Variants in MAP2 observed in about 807,000 individuals in gnomAD.
MAP2 encodes the protein microtubule associated protein 2.
In MAP2, 14 loss-of-function variants were observed where a neutral mutation model predicts 137.6. The ratio of observed to expected loss-of-function variants is 0.10; its 90% CI spans 0.07 to 0.16. The LOEUF (loss-of-function observed/expected upper bound fraction) is 0.16, where lower values mean the gene tolerates loss of function less well. Among genes scored for constraint, MAP2 ranks in the 10% least tolerant of loss-of-function variants. The probability of loss-of-function intolerance (pLI) is 1.00; values close to 1 mark genes in which losing one functional copy is unlikely to be tolerated. For synonymous variants in MAP2, 786 were observed against 782.3 expected, an observed-to-expected ratio of 1.00 and a Z score of -0.08; for missense variants, 2,088 against 2,191.5, an observed-to-expected ratio of 0.95 and a Z score of 0.94.
intron 11 of MAP2, among the ~76,000 whole-genome samples, chr2:209,700,777 TATC>T (rs1424663003): frequency 1.3e-5 from 2 of 152,156 alleles, no homozygotes; most frequent in African/African-American, 4.8e-5. Context: ...ATAATCCTCT[TATC>T]ATAAAGATAA....
chr2:209,553,757 T>C (rs2069794329), intron 2 of MAP2, among the ~76,000 whole-genome samples: 1 of 152,210 alleles, frequency 6.6e-6, no homozygotes, highest in African/African-American at 2.4e-5. Context: ...TATTTGAGAA[T>C]GTTATCATTG....
At chr2:209,596,144 G>A (rs1425043187) in intron 3 of MAP2, among the ~76,000 whole-genome samples, 1 of 151,940 alleles carries the variant, frequency 6.6e-6, no homozygotes, top group African/African-American at 2.4e-5. Context: ...AAAAATAACA[G>A]TAAAGTGACT....
intron 1 of MAP2, among the ~76,000 whole-genome samples, chr2:209,506,360 A>G (rs984959086): frequency 6.6e-6 from 1 of 152,188 alleles, no homozygotes; most frequent in African/African-American, 2.4e-5. Context: ...TTTTCAGTAA[A>G]TAACTAGTTT....
intron 4 of MAP2, among the ~76,000 whole-genome samples, chr2:209,634,968 C>CTT (rs1391755314): frequency 6.6e-6 from 1 of 152,104 alleles, no homozygotes; most frequent in Non-Finnish European, 1.5e-5. Context: ...GTTGCACCTG[C>CTT]CTGTAGTCCC....
intron 14 of MAP2, among the ~76,000 whole-genome samples, chr2:209,729,274 A>G (rs1276665392): frequency 6.6e-6 from 1 of 152,188 alleles, no homozygotes; most frequent in African/African-American, 2.4e-5. Flanking sequence ...CATATATGAA[A>G]CGGGAGGCTT....
intron 1 of MAP2, among the ~76,000 whole-genome samples, chr2:209,488,323 A>G (rs115045676): frequency 0.022 from 3,357 of 152,218 alleles, 44 homozygotes; most frequent in Non-Finnish European, 0.033. Flanking sequence ...CCTATACCAC[A>G]AAGGCCCTGG....
chr2:209,440,098 G>C lies in MAP2; in HGVS notation c.-222+15822G>C, dbSNP rs529100228. Among the ~76,000 whole-genome samples the C allele has an allele frequency of 2.6e-5, 4 of 151,512 alleles. No homozygotes were observed. The South Asian group carries it at 8.3e-4, about 31-fold the overall frequency. On this transcript the variant is annotated intron_variant, in intron 1 of 15. Transcript: ENST00000682079. Reference sequence around the variant, plus strand: ...TCACTAATTTCAGTTTTGAAGTTGTGAACAAGACACCATAGTCACTACATA... The same window carrying C: ...TCACTAATTTCAGTTTTGAAGTTGTCAACAAGACACCATAGTCACTACATA...
chr2:209,501,341 C>T (rs761759263), intron 1 of MAP2, among the ~76,000 whole-genome samples: 4 of 152,064 alleles, frequency 2.6e-5, no homozygotes, highest in African/African-American at 4.8e-5. Flanking sequence ...TCTTGTATTC[C>T]TTGTGAGGTA....
chr2:209,454,149 CAAAAAAAAAAAAAA>C (rs869200843), intron 1 of MAP2, among the ~76,000 whole-genome samples: 4 of 61,144 alleles, frequency 6.5e-5, no homozygotes. Flanking sequence ...GACTCTGTCT[CAAAAAAAAAAAAAA>C]AAAAAAAAAA....
chr2:209,633,634 G>A (rs145126749), intron 4 of MAP2, among the ~76,000 whole-genome samples: 67 of 152,164 alleles, frequency 4.4e-4, no homozygotes, highest in Non-Finnish European at 6.0e-4. Flanking sequence ...TCATCCTTTC[G>A]TGTGGTAGGG....
intron 6 of MAP2, among the ~76,000 whole-genome samples, chr2:209,680,437 A>G (rs945680468): frequency 6.6e-6 from 1 of 152,122 alleles, no homozygotes; most frequent in Admixed American, 6.6e-5. Context: ...AAAATGAAAT[A>G]TTTTATTAAT....
intron 3 of MAP2, among the ~76,000 whole-genome samples, chr2:209,598,217 G>A (rs1413371978): frequency 6.6e-6 from 1 of 151,748 alleles, no homozygotes; most frequent in Non-Finnish European, 1.5e-5. Context: ...ATATTGGCCA[G>A]GCTGGTCGCG....
chr2:209,443,902 T>C (rs1698420590), intron 1 of MAP2, among the ~76,000 whole-genome samples: 1 of 151,634 alleles, frequency 6.6e-6, no homozygotes, highest in African/African-American at 2.4e-5. Context: ...GAGGCTACCA[T>C]GGGGCTGTTT....
At chr2:209,520,085 GT>G (rs781117762) in intron 2 of MAP2, among the ~76,000 whole-genome samples, 22 of 152,042 alleles carry the variant, frequency 1.4e-4, no homozygotes, top group Admixed American at 5.3e-4. Context: ...AAATGTTAAT[GT>G]GGGCCATCTG....
chr2:209,617,589 A>T (rs944963136), intron 3 of MAP2, among the ~76,000 whole-genome samples: 2 of 152,122 alleles, frequency 1.3e-5, no homozygotes, highest in African/African-American at 2.4e-5. Flanking sequence ...GGTCAAGGAG[A>T]GACTCTTTGC....
At chr2:209,632,122 A>C (rs1443825557) in intron 4 of MAP2, among the ~76,000 whole-genome samples, 5 of 152,222 alleles carry the variant, frequency 3.3e-5, no homozygotes, top group Admixed American at 6.6e-5. Flanking sequence ...AAGCAAAAGA[A>C]AATTGGAGGT....
intron 1 of MAP2, among the ~76,000 whole-genome samples, chr2:209,489,019 A>G (rs893469166): frequency 1.3e-5 from 2 of 152,108 alleles, no homozygotes; most frequent in African/African-American, 4.8e-5. Context: ...AGGGGACGAC[A>G]CACACCTCAT....
intron 2 of MAP2, among the ~76,000 whole-genome samples, chr2:209,535,057 T>C (rs2065748223): frequency 6.6e-6 from 1 of 152,158 alleles, no homozygotes; most frequent in African/African-American, 2.4e-5. Flanking sequence ...CTCTGGCTAC[T>C]ACCTCCCCAC....
chr2:209,567,682 A>T (rs1188914308), intron 2 of MAP2, among the ~76,000 whole-genome samples: 19 of 152,108 alleles, frequency 1.2e-4, no homozygotes, highest in Admixed American at 1.2e-3. Flanking sequence ...AAAAGGAAAA[A>T]AAAAGCCACA....
Sources: gnomAD v4.1 joint callset for allele counts (sites outside exome capture counted in the v4.1 genomes callset) on GRCh38, gnomAD v4.1.1 for gene constraint, MANE v1.5 for transcripts, NCBI Gene and HGNC (gene_info 2026-07-23, HGNC 2026-07-21) for gene names.